The following FRMD3 variants were observed in gnomAD, a reference collection of about 807,000 sequenced individuals.
FRMD3 encodes FERM domain containing 3, also known as FERM domain-containing protein 3.
Under a neutral mutation model 70.2 loss-of-function variants are expected in FRMD3, and 33 were observed. The ratio of observed to expected loss-of-function variants is 0.47; its 90% CI spans 0.36 to 0.63. The LOEUF (loss-of-function observed/expected upper bound fraction) is 0.63. Ranked by LOEUF, FRMD3 falls within the 20% of genes least tolerant of loss-of-function variation. FRMD3 has a pLI of 0.00. For missense variants in FRMD3, 632 were observed against 711.4 expected (o/e 0.89, Z 1.27); for synonymous variants, 279 against 255.9 (o/e 1.09, Z -0.86).
intron 1 of FRMD3, among the ~76,000 whole-genome samples, chr9:83,418,183 C>T (rs1056815250): frequency 5.3e-5 from 8 of 152,022 alleles, no homozygotes; most frequent in African/African-American, 1.9e-4. Context: ...AAAAGCCAGA[C>T]AGTGTTGGAA....
chr9:83,349,945 A>T (rs750711014), intron 3 of FRMD3, among the ~76,000 whole-genome samples, 188 bp from the exon 4 acceptor site: 8 of 152,216 alleles, frequency 5.3e-5, no homozygotes, highest in Non-Finnish European at 8.8e-5. Context: ...CAAAACTCAA[A>T]GAAAATGCTT....
Position 83,431,586 on chromosome 9 carries a change from T to C in FRMD3, c.148-41878A>G, listed in dbSNP as rs546755528. ...TGGTTAAGTTTAGCGTTTTTTTTTA[T>C]GAGATGAAACATTTGACTTCTCTGC... On this transcript the variant is annotated intron_variant, in intron 1 of 13. Transcript: ENST00000304195. 3.3e-5 allele frequency among the ~76,000 whole-genome samples: 5 copies of C among 152,338 alleles called. No individual in the cohort carries two copies. The South Asian group carries it at 8.3e-4, about 25-fold the overall frequency.
the FRMD3 span, among the ~76,000 whole-genome samples, chr9:83,582,669 T>G: frequency 6.6e-6 from 1 of 152,214 alleles, no homozygotes; most frequent in Non-Finnish European, 1.5e-5. Context: ...TCACTTTGTA[T>G]GTCCTTGGTA....
chr9:83,327,924 T>C (rs1167674150), intron 6 of FRMD3, among the ~76,000 whole-genome samples: 1 of 152,116 alleles, frequency 6.6e-6, no homozygotes, highest in Non-Finnish European at 1.5e-5. Context: ...GGACATTATC[T>C]CTCGCAAATC....
intron 13 of FRMD3, among the ~76,000 whole-genome samples, chr9:83,276,843 G>A (rs1833809511): frequency 6.6e-6 from 1 of 152,140 alleles, no homozygotes; most frequent in East Asian, 1.9e-4. Flanking sequence ...CCGAGTAGCT[G>A]GGATTACAGG....
intron 12 of FRMD3, among the ~76,000 whole-genome samples, chr9:83,295,152 A>G (rs1330290194): frequency 3.9e-5 from 6 of 152,230 alleles, no homozygotes; most frequent in Non-Finnish European, 7.3e-5. Context: ...TTTGGGAACT[A>G]CAATTATATT....
At position 83,283,530 on chromosome 9, in the gene FRMD3, CAAAA is replaced by C. The variant is rs765093024; in HGVS notation, c.1195+7069_1195+7072del. On this transcript the variant is annotated intron_variant, in intron 13 of 13. Transcript: ENST00000304195. ...TGGGCGACAGAGCGAGAATCCATCT[CAAAA>C]AAAAAAAAAAAAAATAATAATAATA... 5.4e-3 allele frequency among the ~76,000 whole-genome samples: 712 copies of C among 132,248 alleles called. 9 individuals carry two copies. Among genetic ancestry groups the C allele is most frequent in the African/African-American group, 0.019 (678 of 34,964 alleles). The allele number at this position is 132,248 out of a possible 152,430, so 86.8% of individuals were successfully genotyped here. A position where few individuals can be genotyped will look rare whatever the true frequency, so the allele number is the denominator to read the frequency against.
At chr9:83,470,228 A>C (rs758345114) in intron 1 of FRMD3, among the ~76,000 whole-genome samples, 4 of 152,204 alleles carry the variant, frequency 2.6e-5, no homozygotes, top group Non-Finnish European at 5.9e-5. Context: ...GCACATTTAG[A>C]AAAGCCCAGA....
chr9:83,362,393 A>G (rs1437321090), intron 3 of FRMD3, among the ~76,000 whole-genome samples: 1 of 152,132 alleles, frequency 6.6e-6, no homozygotes, highest in Non-Finnish European at 1.5e-5. Context: ...TGCCATCACA[A>G]CTTCTGAGCA....
At chr9:83,460,059 G>A (rs555057161) in intron 1 of FRMD3, among the ~76,000 whole-genome samples, 1 of 152,186 alleles carries the variant, frequency 6.6e-6, no homozygotes, top group Non-Finnish European at 1.5e-5. Flanking sequence ...TTCCTTAGAG[G>A]CTCCACATTG....
intron 2 of FRMD3, among the ~76,000 whole-genome samples, chr9:83,387,296 G>T (rs3860914): frequency 0.74 from 112,419 of 152,046 alleles, 41,974 homozygotes; most frequent in African/African-American, 0.81. Context: ...TAATTATTTA[G>T]ATTAGGATGG....
intron 1 of FRMD3, among the ~76,000 whole-genome samples, chr9:83,474,081 A>G (rs1828335228): frequency 6.6e-6 from 1 of 152,238 alleles, no homozygotes; most frequent in Non-Finnish European, 1.5e-5. Flanking sequence ...TTATATACAT[A>G]CACATTATCT....
At chr9:83,254,540 G>T (rs1332928496) in intron 13 of FRMD3, among the ~76,000 whole-genome samples, 1 of 150,818 alleles carries the variant, frequency 6.6e-6, no homozygotes, top group African/African-American at 2.4e-5. Context: ...AGATCAGAGA[G>T]AAGTGAAGGA....
intron 10 of FRMD3, 75 bp from the exon 11 acceptor site, chr9:83,299,261 A>G: frequency 1.1e-6 from 1 of 878,986 alleles, no homozygotes. Context: ...AGGTGTGGTG[A>G]TGGGGTATTT....
chr9:83,497,488 A>T (rs1255033806), intron 1 of FRMD3, among the ~76,000 whole-genome samples: 1 of 152,254 alleles, frequency 6.6e-6, no homozygotes, highest in Non-Finnish European at 1.5e-5. Context: ...TTTCAAAATT[A>T]TTCCAATGTA....
At chr9:83,378,152 C>T (rs1350833297) in intron 2 of FRMD3, among the ~76,000 whole-genome samples, 7 of 152,044 alleles carry the variant, frequency 4.6e-5, no homozygotes, top group African/African-American at 2.4e-5. Flanking sequence ...CTTGGTGCAT[C>T]GTGAAGGCTC....
intron 1 of FRMD3, among the ~76,000 whole-genome samples, chr9:83,441,208 G>C (rs2131394405): frequency 6.6e-6 from 1 of 152,228 alleles, no homozygotes; most frequent in East Asian, 1.9e-4. Flanking sequence ...CCTATCCCCT[G>C]CTGACCGAGA....
At chr9:83,308,001 G>A (rs1333922050) in intron 10 of FRMD3, among the ~76,000 whole-genome samples, 1 of 152,120 alleles carries the variant, frequency 6.6e-6, no homozygotes. Flanking sequence ...CATGCAGGAG[G>A]CACACAAAGA....
At chr9:83,565,723 T>C in the FRMD3 span, among the ~76,000 whole-genome samples, 1 of 152,232 alleles carries the variant, frequency 6.6e-6, no homozygotes, top group African/African-American at 2.4e-5. Context: ...TACTTATGTG[T>C]TGTCCTTCCA....
Sources: gnomAD v4.1 joint callset for allele counts (sites outside exome capture counted in the v4.1 genomes callset) on GRCh38, gnomAD v4.1.1 for gene constraint, MANE v1.5 for transcripts, NCBI Gene and HGNC (gene_info 2026-07-23, HGNC 2026-07-21) for gene names.